Variants in FRAS1 observed in about 807,000 individuals in gnomAD.
FRAS1 encodes extracellular matrix organizing protein FRAS1.
FRAS1 carries 290 observed loss-of-function variants against 435.2 expected under a neutral mutation model. The observed-to-expected ratio is 0.67, with a 90% CI of 0.61 to 0.73. FRAS1 has a LOEUF of 0.73. Among genes scored for constraint, FRAS1 ranks in the 30% least tolerant of loss-of-function variants. The pLI is 0.00. For synonymous variants in FRAS1, 1,800 were observed against 1,851.0 expected (o/e 0.97, Z 0.71); for missense variants, 4,860 against 5,001.5 (o/e 0.97, Z 0.85).
intron 3 of FRAS1, among the ~76,000 whole-genome samples, chr4:78,238,786 T>TC (rs1296213914): frequency 6.6e-6 from 1 of 152,198 alleles, no homozygotes; most frequent in African/African-American, 2.4e-5. Context: ...AATTGTGTTA[T>TC]CATGGAAGAA....
At chr4:78,414,842 T>C (rs1552294) in intron 32 of FRAS1, among the ~76,000 whole-genome samples, 50,827 of 151,982 alleles carry the variant, frequency 0.33, 8,771 homozygotes, top group Non-Finnish European at 0.38. Flanking sequence ...AACTTTGAGT[T>C]TAAAAGAGGA....
rs564137379 is a variant in FRAS1, at chr4:78,203,865, G to A, written c.109-33645G>A. Among the ~76,000 whole-genome samples the A allele has an allele frequency of 3.5e-4, 53 of 152,332 alleles. No homozygotes were observed. In the South Asian group the frequency reaches 0.011, roughly 31 times the overall value. ...TTACAGGCGTGAGCCACCACACCTG[G>A]CCTCCTCTTGTTTCCTACTGTAAAC... is the stretch of plus-strand genomic sequence containing the variant. On this transcript the variant is annotated intron_variant, in intron 2 of 73. Transcript: ENST00000512123.
chr4:78,157,075 A>G (rs1219517640), intron 2 of FRAS1, among the ~76,000 whole-genome samples: 1 of 152,086 alleles, frequency 6.6e-6, no homozygotes, highest in Non-Finnish European at 1.5e-5. Context: ...CCCCATTGGC[A>G]TTTTGTTTTC....
intron 14 of FRAS1, among the ~76,000 whole-genome samples, chr4:78,293,748 T>C (rs539302355): frequency 8.5e-5 from 13 of 152,314 alleles, no homozygotes; most frequent in Non-Finnish European, 1.8e-4. Context: ...TCTTTGGATA[T>C]TATATTCATA....
At chr4:78,450,675 T>C (rs1718992716) in intron 45 of FRAS1, among the ~76,000 whole-genome samples, 1 of 152,076 alleles carries the variant, frequency 6.6e-6, no homozygotes. Context: ...TGGATTAAGG[T>C]GAAAATTATG....
intron 2 of FRAS1, among the ~76,000 whole-genome samples, chr4:78,234,803 C>A (rs1219972337): frequency 2.6e-5 from 4 of 152,052 alleles, no homozygotes; most frequent in Non-Finnish European, 5.9e-5. Context: ...TTTAGCATTT[C>A]TTGACTTTAA....
chr4:78,451,662 G>A (rs1719025346), intron 45 of FRAS1, 110 bp from the exon 46 acceptor site: 1 of 794,516 alleles, frequency 1.3e-6, no homozygotes, highest in Non-Finnish European at 1.9e-6. Flanking sequence ...AAGCGAGGAA[G>A]GTGTGAACTG....
chr4:78,376,390 T>C (rs186535153), intron 26 of FRAS1, among the ~76,000 whole-genome samples: 168 of 152,198 alleles, frequency 1.1e-3, no homozygotes, highest in African/African-American at 4.0e-3. Context: ...CGTAACACAA[T>C]AGTAAGTATT....
At chr4:78,115,187 T>G (rs1165448803) in intron 2 of FRAS1, among the ~76,000 whole-genome samples, 6 of 151,358 alleles carry the variant, frequency 4.0e-5, no homozygotes, top group Non-Finnish European at 8.9e-5. Context: ...GCCCACTTGA[T>G]CATGGTGGAT....
intron 15 of FRAS1, among the ~76,000 whole-genome samples, chr4:78,313,587 C>T (rs72657054): frequency 0.26 from 39,465 of 152,056 alleles, 6,033 homozygotes; most frequent in Non-Finnish European, 0.35. Context: ...ACTGCACTCT[C>T]CCTCACCTCC....
At chr4:78,153,499 C>T (rs1451683092) in intron 2 of FRAS1, among the ~76,000 whole-genome samples, 1 of 152,262 alleles carries the variant, frequency 6.6e-6, no homozygotes, top group East Asian at 1.9e-4. Context: ...TCGAAGCACC[C>T]TGTGAAATGG....
At chr4:78,196,824 G>T (rs766504654) in intron 2 of FRAS1, among the ~76,000 whole-genome samples, 1 of 152,052 alleles carries the variant, frequency 6.6e-6, no homozygotes, top group African/African-American at 2.4e-5. Context: ...ACTTCAATTT[G>T]TGGGGCTTGA....
chr4:78,302,516 T>C (rs1728463386), intron 14 of FRAS1, among the ~76,000 whole-genome samples: 1 of 152,132 alleles, frequency 6.6e-6, no homozygotes, highest in Non-Finnish European at 1.5e-5. Context: ...CTCCAGCACC[T>C]GTTGTTTCCT....
At chr4:78,230,134 A>C (rs1253562925) in intron 2 of FRAS1, among the ~76,000 whole-genome samples, 1 of 152,216 alleles carries the variant, frequency 6.6e-6, no homozygotes, top group East Asian at 1.9e-4. Context: ...CAGGTTTATC[A>C]TTTTAAGACA....
chr4:78,289,666 C>T (rs1452994372), intron 14 of FRAS1, among the ~76,000 whole-genome samples: 1 of 152,148 alleles, frequency 6.6e-6, no homozygotes. Flanking sequence ...CCCATCCTAC[C>T]CCACTCTTCT....
intron 72 of FRAS1, among the ~76,000 whole-genome samples, chr4:78,538,849 G>A (rs375639171): frequency 3.3e-5 from 5 of 151,846 alleles, no homozygotes; most frequent in Admixed American, 6.6e-5. Context: ...CAGCTACTCC[G>A]GAGGCTGAGG....
intron 2 of FRAS1, among the ~76,000 whole-genome samples, chr4:78,095,913 C>T (rs1741781214): frequency 6.6e-6 from 1 of 152,172 alleles, no homozygotes; most frequent in Non-Finnish European, 1.5e-5. Flanking sequence ...ATTTCAAAAC[C>T]AATCATGCTT....
intron 19 of FRAS1, among the ~76,000 whole-genome samples, chr4:78,335,941 AT>A (rs1186597310): frequency 1.3e-5 from 2 of 150,178 alleles, no homozygotes; most frequent in Non-Finnish European, 3.0e-5. Context: ...GAAAAAAAAC[AT>A]TCTATCATGA....
At chr4:78,143,223 G>T (rs1454655916) in intron 2 of FRAS1, among the ~76,000 whole-genome samples, 1 of 152,038 alleles carries the variant, frequency 6.6e-6, no homozygotes, top group Non-Finnish European at 1.5e-5. Flanking sequence ...ATATCTTAAG[G>T]CAAGAAGAAT....
Sources: gnomAD v4.1 joint callset for allele counts (sites outside exome capture counted in the v4.1 genomes callset) on GRCh38, gnomAD v4.1.1 for gene constraint, MANE v1.5 for transcripts, NCBI Gene and HGNC (gene_info 2026-07-23, HGNC 2026-07-21) for gene names.